GRIK2: variants seen among roughly 807,000 people sequenced by gnomAD.
The protein encoded by GRIK2 is glutamate receptor ionotropic, kainate 2.
GRIK2 carries 32 observed loss-of-function variants against 100.3 expected under a neutral mutation model. The observed-to-expected ratio is 0.32, with a 90% CI of 0.24 to 0.43. The LOEUF is 0.43. Among genes scored for constraint, GRIK2 ranks in the 20% least tolerant of loss-of-function variants. The probability of loss-of-function intolerance (pLI) is 1.00; values close to 1 mark genes in which losing one functional copy is unlikely to be tolerated. For missense variants in GRIK2, 843 were observed against 1,114.9 expected (o/e 0.76, Z 3.47); for synonymous variants, 417 against 389.4 (o/e 1.07, Z -0.83).
Position 101,934,427 on chromosome 6 carries a change from A to G in GRIK2, c.2085+5795A>G, listed in dbSNP as rs188557825. On this transcript the variant is annotated intron_variant, in intron 14 of 16. Transcript: ENST00000369134. ...ACCAGCTCAATAGTCTTCTAAAATT[A>G]AGTTATGCTGGGGTGATTGTATATG... Among the ~76,000 whole-genome samples, 19 of 151,992 alleles carry G rather than the reference A, an allele frequency of 1.3e-4. No homozygotes were observed. In the East Asian group the frequency reaches 3.7e-3, roughly 29 times the overall value.
chr6:101,781,164 T>C (rs1779065189), intron 7 of GRIK2, among the ~76,000 whole-genome samples: 2 of 152,194 alleles, frequency 1.3e-5, no homozygotes, highest in Non-Finnish European at 2.9e-5. Flanking sequence ...TCTATGTAAT[T>C]CCATACTTAT....
intron 10 of GRIK2, among the ~76,000 whole-genome samples, chr6:101,854,018 T>A (rs1342969374): frequency 6.6e-6 from 1 of 152,200 alleles, no homozygotes; most frequent in African/African-American, 2.4e-5. Flanking sequence ...CATGCCATTA[T>A]ACATTTGTCA....
intron 14 of GRIK2, among the ~76,000 whole-genome samples, chr6:102,007,125 T>C (rs929974205): frequency 3.9e-4 from 60 of 152,164 alleles, no homozygotes; most frequent in African/African-American, 1.3e-3. Context: ...AACAGTAATA[T>C]ACCAAATTGA....
chr6:101,863,749 A>G (rs1259991584), intron 11 of GRIK2, among the ~76,000 whole-genome samples: 1 of 151,762 alleles, frequency 6.6e-6, no homozygotes, highest in African/African-American at 2.4e-5. Flanking sequence ...TCTTTCTCTT[A>G]CTCTCCTGTG....
At position 101,980,629 on chromosome 6, in the gene GRIK2, A is replaced by G. The variant is rs560295744; in HGVS notation, c.2085+51997A>G. Among the ~76,000 whole-genome samples the G allele has an allele frequency of 6.8e-4, 103 of 151,950 alleles. 1 individual carries two copies. Among genetic ancestry groups the G allele is most frequent in the South Asian group, 2.1e-3 (10 of 4,824 alleles). On this transcript the variant is annotated intron_variant, in intron 14 of 16. Transcript: ENST00000369134. Reference sequence around the variant, plus strand: ...TTTCTTTGGTCAGAACTTTTTAAGGATATGATGTGTATACTTGTATAATAT... The same window carrying G: ...TTTCTTTGGTCAGAACTTTTTAAGGGTATGATGTGTATACTTGTATAATAT...
chr6:101,843,944 T>C (rs2128436224), intron 10 of GRIK2, among the ~76,000 whole-genome samples: 1 of 152,294 alleles, frequency 6.6e-6, no homozygotes, highest in East Asian at 1.9e-4. Context: ...TTGAGTTCCT[T>C]AAGAGTAGAT....
chr6:101,672,171 A>T (rs1770491374), intron 4 of GRIK2, among the ~76,000 whole-genome samples: 1 of 152,138 alleles, frequency 6.6e-6, no homozygotes, highest in Non-Finnish European at 1.5e-5. Flanking sequence ...ATGACACAAC[A>T]ACCAACCCGC....
intron 2 of GRIK2, among the ~76,000 whole-genome samples, chr6:101,437,537 T>G (rs1769797539): frequency 6.6e-6 from 1 of 152,158 alleles, no homozygotes; most frequent in Non-Finnish European, 1.5e-5. Context: ...TTATTATGCT[T>G]TTAACAACTT....
chr6:101,792,031 C>T (rs1226244741), intron 7 of GRIK2, among the ~76,000 whole-genome samples: 1 of 151,852 alleles, frequency 6.6e-6, no homozygotes, highest in Non-Finnish European at 1.5e-5. Flanking sequence ...GATTGCAACC[C>T]CTGCCTTTTT....
At chr6:101,403,786 A>C (rs981238293) in intron 2 of GRIK2, among the ~76,000 whole-genome samples, 2 of 152,084 alleles carry the variant, frequency 1.3e-5, no homozygotes, top group Non-Finnish European at 2.9e-5. Context: ...GGAGGCGGGG[A>C]TGGGGGAGTA....
intron 7 of GRIK2, among the ~76,000 whole-genome samples, chr6:101,735,228 C>T (rs1044209560): frequency 3.9e-5 from 6 of 151,932 alleles, no homozygotes; most frequent in Admixed American, 6.6e-5. Flanking sequence ...AAAAATGTAG[C>T]GATAAAGGAT....
chr6:101,635,691 G>T (rs1353193872), intron 4 of GRIK2, among the ~76,000 whole-genome samples: 1 of 152,068 alleles, frequency 6.6e-6, no homozygotes, highest in African/African-American at 2.4e-5. Flanking sequence ...GTGGGTGAAG[G>T]ATATGAACAG....
At chr6:101,395,867 T>C (rs912856075) in intron 1 of GRIK2, among the ~76,000 whole-genome samples, 1 of 152,166 alleles carries the variant, frequency 6.6e-6, no homozygotes, top group Non-Finnish European at 1.5e-5. Flanking sequence ...TGCTTTGACC[T>C]TGGAATCTAC....
intron 4 of GRIK2, among the ~76,000 whole-genome samples, chr6:101,635,762 A>C (rs1462604597): frequency 6.6e-6 from 1 of 152,218 alleles, no homozygotes; most frequent in East Asian, 1.9e-4. Context: ...GCTCATCATC[A>C]CTGGTCATTA....
At chr6:101,414,998 G>A (rs1776062217) in intron 2 of GRIK2, among the ~76,000 whole-genome samples, 1 of 138,498 alleles carries the variant, frequency 7.2e-6, no homozygotes, top group African/African-American at 2.9e-5. Context: ...ATATGTGTGT[G>A]GTGTGTGGGG....
At chr6:101,906,041 G>A (rs75476034) in intron 12 of GRIK2, among the ~76,000 whole-genome samples, 14,119 of 151,442 alleles carry the variant, frequency 0.093, 823 homozygotes, top group Middle Eastern at 0.21. Context: ...ATTAAAGTGC[G>A]TTTAGATATT....
intron 7 of GRIK2, among the ~76,000 whole-genome samples, chr6:101,688,830 T>C (rs1055208698): frequency 2.0e-5 from 3 of 151,984 alleles, no homozygotes; most frequent in African/African-American, 7.2e-5. Context: ...TCAAAATAGA[T>C]GCAGATTGAT....
At chr6:101,882,574 A>G (rs935610261) in intron 11 of GRIK2, among the ~76,000 whole-genome samples, 1 of 151,906 alleles carries the variant, frequency 6.6e-6, no homozygotes, top group African/African-American at 2.4e-5. Flanking sequence ...TTTTTTTTAA[A>G]TGATTTCCTA....
At chr6:101,595,716 G>GTATATATATATATATATA (rs751726535) in intron 2 of GRIK2, among the ~76,000 whole-genome samples, 35 of 133,782 alleles carry the variant, frequency 2.6e-4, no homozygotes, top group African/African-American at 8.3e-4. Flanking sequence ...GTGTGTGTGT[G>GTATATATATATATATATA]TGTATATATA....
Sources: gnomAD v4.1 joint callset for allele counts (sites outside exome capture counted in the v4.1 genomes callset) on GRCh38, gnomAD v4.1.1 for gene constraint, MANE v1.5 for transcripts, NCBI Gene and HGNC (gene_info 2026-07-23, HGNC 2026-07-21) for gene names.